Variants in EDC4 observed in about 807,000 individuals in gnomAD.
EDC4 encodes enhancer of mRNA-decapping protein 4.
Under a neutral mutation model 155.8 loss-of-function variants are expected in EDC4, and 64 were observed. The observed-to-expected ratio is 0.41, with a 90% CI of 0.34 to 0.51. EDC4 has a LOEUF of 0.51. Among genes scored for constraint, EDC4 ranks in the 20% least tolerant of loss-of-function variants. EDC4 has a pLI of 0.19. For missense variants in EDC4, 1,303 were observed against 1,812.5 expected (o/e 0.72, Z 5.10); for synonymous variants, 684 against 716.8 (o/e 0.95, Z 0.73).
rs2058078756 is a variant in EDC4, at chr16:67,883,327, G to T, written c.3849+150G>T. 2 of 1,359,602 alleles carry T rather than the reference G, an allele frequency of 1.5e-6. No homozygotes were observed. Among genetic ancestry groups the T allele is most frequent in the Admixed American group, 5.2e-5 (2 of 38,286 alleles). The allele number at this position is 1,359,602 out of a possible 1,614,324, so 84.2% of individuals were successfully genotyped here. A position where few individuals can be genotyped will look rare whatever the true frequency, so the allele number is the denominator to read the frequency against. On this transcript the variant is annotated intron_variant, in intron 27 of 28. Coordinates refer to ENST00000358933, the MANE Select transcript of EDC4 (RefSeq NM_014329.5). The surrounding 1 kb of genome is among the most constrained non-coding windows in gnomAD (Gnocchi z 5.3). ...TGGCCTCCAGGCCATTGTCCCTGCT[G>T]CTTCCTCTTCCTGGACCCCTTTCTT...
At chr16:67,874,817 C>G (rs1333204761) in intron 1 of EDC4, among the ~76,000 whole-genome samples, 2 of 152,198 alleles carry the variant, frequency 1.3e-5, no homozygotes, top group African/African-American at 4.8e-5. Flanking sequence ...CGCGGTGGCT[C>G]ACACCTGTAA....
At chr16:67,873,821 G>A (rs2058031333) in intron 1 of EDC4, among the ~76,000 whole-genome samples, 1 of 152,296 alleles carries the variant, frequency 6.6e-6, no homozygotes, top group Admixed American at 6.5e-5. Context: ...TGATTTCCAG[G>A]AGGAAGGTGT....
In EDC4 at chr16:67,880,096, G is replaced by T; in HGVS notation, c.1977G>T (p.Leu659=). 1 of 1,611,550 alleles carries T rather than the reference G, an allele frequency of 6.2e-7. No homozygotes were observed. Residue 659 remains leucine (L), a synonymous_variant, in exon 17 of 29, where the codon CTG becomes CTT. Transcript: ENST00000358933. The surrounding 1 kb of genome is among the most constrained non-coding windows in gnomAD (Gnocchi z 5.2). Reference sequence around the variant, plus strand: ...AGGAGCTGACCTTGAGCCCCAAGCTGCAGCTGGATGGCAGCCTGACAATGA... The same window carrying T: ...AGGAGCTGACCTTGAGCCCCAAGCTTCAGCTGGATGGCAGCCTGACAATGA... ...PPEELTLSPK[L]QLDGSLTMSS...
chr16:67,876,384 A>G lies in EDC4; in HGVS notation c.240-104A>G. 6.7e-7 allele frequency: 1 copy of G among 1,503,248 alleles called. No individual in the cohort carries two copies. The highest frequency in any genetic ancestry group is 8.9e-7 in the Non-Finnish European group (1 of 1,120,848). 93.1% of individuals were successfully genotyped at this position (1,503,248 alleles called of 1,614,324 possible). A position where few individuals can be genotyped will look rare whatever the true frequency, so the allele number is the denominator to read the frequency against. ...GTGGACCAGGCGAAGCTGACATTGG[A>G]CTAGATACCTTCCCCAGTCTGGCTA... On this transcript the variant is annotated intron_variant, in intron 2 of 28. Coordinates refer to ENST00000358933, the MANE Select transcript of EDC4 (RefSeq NM_014329.5). This position sits in a 1 kb window ranked among gnomAD's most constrained non-coding sequence, Gnocchi z 5.8.
In EDC4 at chr16:67,880,682, C is replaced by A; in HGVS notation, c.2223C>A (p.Ser741=). The change falls in exon 18 of 29, where the codon TCC becomes TCA. Residue 741 remains serine, a synonymous_variant. Coordinates refer to ENST00000358933, the MANE Select transcript of EDC4 (RefSeq NM_014329.5). This position sits in a 1 kb window ranked among gnomAD's most constrained non-coding sequence, Gnocchi z 5.2. The part of the protein sequence containing the change: ...DVISSASTAL[S]QDIPEIASEA... ...TCTCCTCAGCTTCCACTGCCCTGTC[C>A]CAGGACATCCCTGAGATTGCATCTG... 6.2e-7 allele frequency: 1 copy of A among 1,614,194 alleles called. No individual in the cohort carries two copies. Among genetic ancestry groups the A allele is most frequent in the Non-Finnish European group, 8.5e-7 (1 of 1,180,006 alleles).
At position 67,882,721 on chromosome 16, in the gene EDC4, G is replaced by A. The variant is rs1291528620; in HGVS notation, c.3485G>A (p.Arg1162Gln). ...LESHMKSRKA[R>Q]EQEAREPVLA... is the part of the protein sequence containing the mutation. Reference sequence around the variant, plus strand: ...AGCCACATGAAGAGCCGGAAGGCACGGGAACAGGAGGCCAGGGAGCCTGTG... The same window carrying A: ...AGCCACATGAAGAGCCGGAAGGCACAGGAACAGGAGGCCAGGGAGCCTGTG... The change falls in exon 26 of 29, where the codon CGG (arginine) becomes CAG (glutamine). Residue 1162 changes from arginine (R) to glutamine (Q), a missense_variant. By Grantham distance (43) the Arg-to-Gln change is conservative. Around this residue, in one of 5 missense-constraint regions of EDC4, gnomAD observed 527 missense variants for 757.0 expected, o/e 0.70. Transcript: ENST00000358933. This position sits in a 1 kb window ranked among gnomAD's most constrained non-coding sequence, Gnocchi z 7.2. The A allele has an allele frequency of 3.7e-6, 6 of 1,614,238 alleles. No individual in the cohort carries two copies. The highest frequency in any genetic ancestry group is 1.6e-4 in the Middle Eastern group (1 of 6,062).
Position 67,884,142 on chromosome 16 carries a change from C to CCCTTAGCTGCTAAGCCTG in EDC4, c.4205_*16dup, listed in dbSNP as rs1377229960. 6.2e-7 allele frequency: 1 copy of CCCTTAGCTGCTAAGCCTG among 1,606,852 alleles called. No individual in the cohort carries two copies. Among genetic ancestry groups the CCCTTAGCTGCTAAGCCTG allele is most frequent in the Non-Finnish European group, 8.5e-7 (1 of 1,175,540 alleles). The stretch of plus-strand genomic sequence containing the variant: ...TGCATGGCCTCGTGACCCCCAGCCT[C>CCCTTAGCTGCTAAGCCTG]CCTTAGCTGCTAAGCCTGCCTTGCC... On this transcript the variant is annotated stop_gained and inframe_insertion, in exon 29 of 29. Coordinates refer to ENST00000358933, the MANE Select transcript of EDC4 (RefSeq NM_014329.5). LOFTEE classifies it high-confidence loss of function. This position sits in a 1 kb window ranked among gnomAD's most constrained non-coding sequence, Gnocchi z 4.1.
Position 67,876,622 on chromosome 16 carries a change from A to G in EDC4, c.351+23A>G. On this transcript the variant is annotated intron_variant, in intron 3 of 28. Coordinates refer to ENST00000358933, the MANE Select transcript of EDC4 (RefSeq NM_014329.5). The surrounding 1 kb of genome is among the most constrained non-coding windows in gnomAD (Gnocchi z 5.8). ...AAGGTAGGTACTGGGATGCTGTGGC[A>G]TATATAATGTACGGGGGCACACCCA... 3 of 1,613,382 alleles carry G rather than the reference A, an allele frequency of 1.9e-6. No individual in the cohort carries two copies. The highest frequency in any genetic ancestry group is 1.7e-6 in the Non-Finnish European group (2 of 1,179,710).
In EDC4 at chr16:67,878,783, A is replaced by C; in HGVS notation, c.1231A>C (p.Lys411Gln). The change falls in exon 11 of 29, where the codon AAG (lysine) becomes CAG (glutamine). Residue 411 changes from lysine (K) to glutamine (Q), a missense_variant. This residue lies in a region of EDC4 where 235 missense variants were observed against 367.7 expected (regional missense o/e 0.64). Coordinates refer to ENST00000358933, the MANE Select transcript of EDC4 (RefSeq NM_014329.5). The surrounding 1 kb of genome is among the most constrained non-coding windows in gnomAD (Gnocchi z 5.2). ...CTCAGTGAGTGTGCCCCCTAGCCTC[A>C]AGGTTTGCTTGGACCTCTCAGCAGA... ...FSSVSVPPSL[K>Q]VCLDLSAEYL... The C allele has an allele frequency of 6.2e-7, 1 of 1,614,024 alleles. No homozygotes were observed. Among genetic ancestry groups the C allele is most frequent in the Non-Finnish European group, 8.5e-7 (1 of 1,180,000 alleles).
Position 67,880,152 on chromosome 16 carries a change from G to A in EDC4, c.2033G>A (p.Arg678His), listed in dbSNP as rs774350066. The A allele has an allele frequency of 5.0e-6, 8 of 1,612,854 alleles. No homozygotes were observed. The highest frequency in any genetic ancestry group is 3.3e-5 in the South Asian group (3 of 91,004). The change falls in exon 17 of 29, where the codon CGT becomes CAT. Residue 678 changes from arginine to histidine, a missense_variant. Physicochemically the swap from Arg to His is conservative, Grantham distance 29. Transcript: ENST00000358933. This position sits in a 1 kb window ranked among gnomAD's most constrained non-coding sequence, Gnocchi z 5.2. ...SSSGSLQASP[R>H]GLLPGLLPAP... ...AGTGGCAGCCTTCAGGCAAGCCCGC[G>A]TGGCCTCCTGCCTGGCCTGCTCCCA...
Position 67,879,544 on chromosome 16 carries a change from A to G in EDC4, c.1633+41A>G, listed in dbSNP as rs1219066478. Reference sequence around the variant, plus strand: ...GAGGGAGGTAGGGTAAGTTGGACTGACCAGGGTCTGAGATCTAACTCAAGT... The same window carrying G: ...GAGGGAGGTAGGGTAAGTTGGACTGGCCAGGGTCTGAGATCTAACTCAAGT... On this transcript the variant is annotated intron_variant, in intron 14 of 28. Transcript: ENST00000358933. The surrounding 1 kb of genome is among the most constrained non-coding windows in gnomAD (Gnocchi z 6.0). 5 of 1,613,956 alleles carry G rather than the reference A, an allele frequency of 3.1e-6. No individual in the cohort carries two copies. In the South Asian group the frequency reaches 3.3e-5, roughly 11 times the overall value.
chr16:67,883,092 C>G lies in EDC4; in HGVS notation c.3764C>G (p.Pro1255Arg), dbSNP rs2058076963. Residue 1255 changes from proline (P) to arginine (R), a missense_variant, in exon 27 of 29, where the codon CCC becomes CGC. Physicochemically the swap from Pro to Arg is moderately radical, Grantham distance 103 (BLOSUM62 -2). Transcript: ENST00000358933. The surrounding 1 kb of genome is among the most constrained non-coding windows in gnomAD (Gnocchi z 5.3). ...AMRSAAGTPV[P>R]SAHLDCQAQQ... ...CGCTCAGCTGCTGGCACACCTGTCC[C>G]CTCTGCCCACCTTGACTGCCAGGCC... 6.2e-7 allele frequency: 1 copy of G among 1,612,206 alleles called. No individual in the cohort carries two copies. Among genetic ancestry groups the G allele is most frequent in the Non-Finnish European group, 8.5e-7 (1 of 1,179,646 alleles).
At position 67,880,174 on chromosome 16, in the gene EDC4, C is replaced by T. The variant is rs1435026467; in HGVS notation, c.2055C>T (p.Leu685=). 1.3e-5 allele frequency: 21 copies of T among 1,611,768 alleles called. No homozygotes were observed. Among genetic ancestry groups the T allele is most frequent in the Non-Finnish European group, 1.8e-5 (21 of 1,179,286 alleles). The stretch of plus-strand genomic sequence containing the variant: ...CGCGTGGCCTCCTGCCTGGCCTGCT[C>T]CCAGCCCCAGCTGACAAACTGACTC... ...ASPRGLLPGL[L]PAPADKLTPK... Residue 685 remains leucine (L), a synonymous_variant, in exon 17 of 29, where the codon CTC becomes CTT. Transcript: ENST00000358933. This position sits in a 1 kb window ranked among gnomAD's most constrained non-coding sequence, Gnocchi z 5.2.
Position 67,882,734 on chromosome 16 carries a change from C to T in EDC4, c.3498C>T (p.Ala1166=). 2 of 1,614,212 alleles carry T rather than the reference C, an allele frequency of 1.2e-6. No individual in the cohort carries two copies. ...MKSRKAREQE[A]REPVLAQLRG... ...GCCGGAAGGCACGGGAACAGGAGGC[C>T]AGGGAGCCTGTGCTAGCCCAGCTGC... The change falls in exon 26 of 29, where the codon GCC becomes GCT. Residue 1166 remains alanine (A), a synonymous_variant. Coordinates refer to ENST00000358933, the MANE Select transcript of EDC4 (RefSeq NM_014329.5). This position sits in a 1 kb window ranked among gnomAD's most constrained non-coding sequence, Gnocchi z 7.2.
chr16:67,875,663 GTTC>G, intron 1 of EDC4: 1 of 1,122,636 alleles, frequency 8.9e-7, no homozygotes, highest in Non-Finnish European at 1.1e-6. Context: ...AGTCCACAGA[GTTC>G]TTCTGTAGTG....
rs758180310 is a variant in EDC4 at position 67,883,018 on chromosome 16, G to A, written c.3690G>A (p.Ala1230=). 22 of 1,613,980 alleles carry A rather than the reference G, an allele frequency of 1.4e-5. No homozygotes were observed. Among genetic ancestry groups the A allele is most frequent in the Middle Eastern group, 1.6e-4 (1 of 6,062 alleles). Residue 1230 remains alanine (A), a synonymous_variant, in exon 27 of 29, where the codon GCG becomes GCA. Coordinates refer to ENST00000358933, the MANE Select transcript of EDC4 (RefSeq NM_014329.5). The surrounding 1 kb of genome is among the most constrained non-coding windows in gnomAD (Gnocchi z 5.3). The stretch of plus-strand genomic sequence containing the variant: ...TCGTTAAGGGTGAGGTGAGTGTGGC[G>A]CTCAAGGAGCAGCAGGCCGCCGTCA... ...QRIVKGEVSV[A]LKEQQAAVTS...
chr16:67,873,420 CA>C, intron 1 of EDC4, 77 bp downstream of exon 1: 1 of 1,164,934 alleles, frequency 8.6e-7, no homozygotes, highest in Non-Finnish European at 1.1e-6. Flanking sequence ...CATTGGGGCC[CA>C]CAGCTCCCTT....
In EDC4 at chr16:67,882,784, G is replaced by A. The variant is rs931891466; in HGVS notation, c.3548G>A (p.Ser1183Asn). The A allele has an allele frequency of 1.2e-6, 2 of 1,614,120 alleles. No individual in the cohort carries two copies. Among genetic ancestry groups the A allele is most frequent in the Admixed American group, 1.7e-5 (1 of 60,010 alleles). Residue 1183 changes from serine (S) to asparagine (N), a missense_variant, in exon 26 of 29, where the codon AGT becomes AAT. Transcript: ENST00000358933. This position sits in a 1 kb window ranked among gnomAD's most constrained non-coding sequence, Gnocchi z 7.2. ...QLRGLVSTLQ[S>N]ATEQMAATVA... ...CGGGGCCTGGTCAGCACACTGCAGA[G>A]TGCCACTGAGCAGATGGCAGCCACC... is the stretch of plus-strand genomic sequence containing the variant.
chr16:67,879,711 T>G lies in EDC4; in HGVS notation c.1758T>G (p.Ser586Arg), dbSNP rs1253020749. Residue 586 changes from serine to arginine, a missense_variant, in exon 15 of 29, where the codon AGT becomes AGG. Physicochemically the swap from Ser to Arg is moderately radical, Grantham distance 110. Coordinates refer to ENST00000358933, the MANE Select transcript of EDC4 (RefSeq NM_014329.5). This position sits in a 1 kb window ranked among gnomAD's most constrained non-coding sequence, Gnocchi z 6.0. ...PAPADFLSLS[S>R]ETKPKLMTPD... ...CTGCCGACTTCCTCAGTCTGAGCAG[T>G]GAGACCAAGCCCAAGTTGATGACAC... The G allele has an allele frequency of 1.2e-6, 2 of 1,614,112 alleles. No individual in the cohort carries two copies. The highest frequency in any genetic ancestry group is 1.7e-6 in the Non-Finnish European group (2 of 1,179,984).
Sources: gnomAD v4.1 joint callset for allele counts (sites outside exome capture counted in the v4.1 genomes callset) on GRCh38, gnomAD v4.1.1 for gene constraint, gnomAD v4.1.1 regional missense constraint, Gnocchi (gnomAD v3.1) non-coding constraint, MANE v1.5 for transcripts, NCBI Gene and HGNC (gene_info 2026-07-23, HGNC 2026-07-21) for gene names.